Variants in SPATA9 observed in about 807,000 individuals in gnomAD.
The protein encoded by SPATA9 is spermatogenesis-associated protein 9.
A neutral mutation model predicts 25.5 loss-of-function variants in SPATA9; 27 were observed. The ratio of observed to expected loss-of-function variants is 1.06; its 90% CI spans 0.78 to 1.46. The LOEUF (loss-of-function observed/expected upper bound fraction) is 1.46, where lower values mean the gene tolerates loss of function less well. Among genes scored for constraint, SPATA9 ranks in the 40% most tolerant of loss-of-function variants. The pLI, the probability that SPATA9 is intolerant of heterozygous loss-of-function variation, is 0.00. For missense variants in SPATA9, 282 were observed against 297.5 expected, an observed-to-expected ratio of 0.95 and a Z score of 0.38; for synonymous variants, 102 against 105.7, an observed-to-expected ratio of 0.97 and a Z score of 0.21.
chr5:95,719,853 C>T, the SPATA9 span: 1 of 152,314 alleles, frequency 6.6e-6, no homozygotes, highest in South Asian at 2.1e-4. Flanking sequence ...GAAATGATAT[C>T]TCTCTGTGAT....
intron 3 of SPATA9, among the ~76,000 whole-genome samples, chr5:95,672,882 T>C (rs1752533115): frequency 6.6e-6 from 1 of 152,174 alleles, no homozygotes; most frequent in Non-Finnish European, 1.5e-5. Context: ...GGGAGATAAG[T>C]CTCCATGGAT....
At chr5:95,671,016 G>A (rs986531414) in intron 3 of SPATA9, 1 of 419,686 alleles carries the variant, frequency 2.4e-6, no homozygotes, top group African/African-American at 2.2e-5. Flanking sequence ...AAGGACCCTG[G>A]AACCTCTGAC....
chr5:95,660,889 G>A (rs878864243), intron 4 of SPATA9, among the ~76,000 whole-genome samples: 8 of 152,012 alleles, frequency 5.3e-5, no homozygotes, highest in Non-Finnish European at 8.8e-5. Context: ...TAACATACTT[G>A]AGTATCTTCC....
chr5:95,692,674 T>C (rs930183885), intron 1 of SPATA9, among the ~76,000 whole-genome samples: 2 of 152,118 alleles, frequency 1.3e-5, no homozygotes, highest in African/African-American at 2.4e-5. Context: ...TTCTTTTCAA[T>C]GCTTCCTTTG....
the SPATA9 span, among the ~76,000 whole-genome samples, chr5:95,707,706 G>A: frequency 6.6e-6 from 1 of 152,120 alleles, no homozygotes; most frequent in Non-Finnish European, 1.5e-5. Context: ...TGGACGTGCT[G>A]GGAGTCAGCT....
intron 1 of SPATA9, among the ~76,000 whole-genome samples, chr5:95,698,386 T>C (rs145696363): frequency 1.6e-4 from 24 of 152,254 alleles, no homozygotes; most frequent in African/African-American, 5.1e-4. Context: ...AGTCTGAAAT[T>C]CTCACAGCAG....
At chr5:95,703,032 T>G (rs1363931001), upstream of SPATA9, among the ~76,000 whole-genome samples, 1 of 152,264 alleles carries the variant, frequency 6.6e-6, no homozygotes, top group Non-Finnish European at 1.5e-5. Flanking sequence ...TTCATTTGAC[T>G]AAGTCTAACT....
chr5:95,652,939 T>C, downstream of SPATA9: 1 of 787,126 alleles, frequency 1.3e-6, no homozygotes, highest in Non-Finnish European at 1.9e-6. Context: ...CAATTCACAC[T>C]TTCCTGCTTT....
At chr5:95,704,586 A>G in the SPATA9 span, among the ~76,000 whole-genome samples, 1 of 152,222 alleles carries the variant, frequency 6.6e-6, no homozygotes. Flanking sequence ...TATCAATTAA[A>G]GAGTTAAAAC....
chr5:95,692,254 C>T (rs12658215), intron 1 of SPATA9, among the ~76,000 whole-genome samples: 19,019 of 151,932 alleles, frequency 0.13, 1,758 homozygotes, highest in East Asian at 0.55. Flanking sequence ...TTCTTAAAAA[C>T]GAGGCATAAT....
intron 3 of SPATA9, chr5:95,670,882 T>C (rs1752309378): frequency 1.0e-6 from 1 of 985,428 alleles, no homozygotes; most frequent in African/African-American, 1.7e-5. Context: ...CTGTCCTCAC[T>C]GAGCCTTTGA....
At chr5:95,653,429 A>G (rs962903257), downstream of SPATA9, among the ~76,000 whole-genome samples, 1 of 152,280 alleles carries the variant, frequency 6.6e-6, no homozygotes, top group Non-Finnish European at 1.5e-5. Flanking sequence ...GTTGAATTTG[A>G]TAGGAAATAA....
intron 3 of SPATA9, among the ~76,000 whole-genome samples, chr5:95,666,550 T>A (rs1468640731): frequency 6.6e-6 from 1 of 152,202 alleles, no homozygotes; most frequent in East Asian, 1.9e-4. Flanking sequence ...TAATAGTCCC[T>A]TATTAGAGAG....
downstream of SPATA9, among the ~76,000 whole-genome samples, chr5:95,655,793 C>G (rs921325029): frequency 6.6e-6 from 1 of 152,182 alleles, no homozygotes; most frequent in African/African-American, 2.4e-5. Context: ...AGCACAGCTG[C>G]AGTCACATGG....
intron 1 of SPATA9, among the ~76,000 whole-genome samples, chr5:95,688,010 A>C (rs1192279146): frequency 6.6e-6 from 1 of 152,146 alleles, no homozygotes; most frequent in Non-Finnish European, 1.5e-5. Context: ...CAGTATGGAG[A>C]TTTTGCAAAG....
chr5:95,706,147 A>G, the SPATA9 span, among the ~76,000 whole-genome samples: 1 of 151,992 alleles, frequency 6.6e-6, no homozygotes, highest in Admixed American at 6.5e-5. Flanking sequence ...GAGTCCATCA[A>G]GCTATGAAGT....
At chr5:95,684,321 G>C (rs1402808003), upstream of SPATA9, among the ~76,000 whole-genome samples, 1 of 152,116 alleles carries the variant, frequency 6.6e-6, no homozygotes, top group Non-Finnish European at 1.5e-5. Flanking sequence ...ATGAACACCT[G>C]GCAGATCCTT....
At chr5:95,673,231 G>C (rs914386546) in intron 3 of SPATA9, among the ~76,000 whole-genome samples, 1 of 152,198 alleles carries the variant, frequency 6.6e-6, no homozygotes, top group African/African-American at 2.4e-5. Context: ...GCAACGTACT[G>C]TGTGCACAGG....
At chr5:95,731,720 C>G in the SPATA9 span, 7 of 1,612,888 alleles carry the variant, frequency 4.3e-6, no homozygotes, top group Non-Finnish European at 5.1e-6. Context: ...TTGTCTCTCT[C>G]CAGCGCGTGC....
Sources: gnomAD v4.1 joint callset for allele counts (sites outside exome capture counted in the v4.1 genomes callset) on GRCh38, gnomAD v4.1.1 for gene constraint, MANE v1.5 for transcripts, NCBI Gene and HGNC (gene_info 2026-07-23, HGNC 2026-07-21) for gene names.